Variants in ARHGEF26 observed in about 807,000 individuals in gnomAD.
ARHGEF26 encodes Rho guanine nucleotide exchange factor 26.
ARHGEF26 carries 59 observed loss-of-function variants against 89.4 expected under a neutral mutation model. That is an observed-to-expected ratio of 0.66 (90% CI 0.54 to 0.82). ARHGEF26 has a LOEUF of 0.82. Among genes scored for constraint, ARHGEF26 ranks in the 40% least tolerant of loss-of-function variants. ARHGEF26 has a pLI of 0.00. For synonymous variants in ARHGEF26, 500 were observed against 428.4 expected (o/e 1.17, Z -2.06); for missense variants, 1,234 against 1,085.6 (o/e 1.14, Z -1.92).
chr3:154,251,517 A>G (rs1477499836), intron 12 of ARHGEF26, among the ~76,000 whole-genome samples: 2 of 152,244 alleles, frequency 1.3e-5, no homozygotes, highest in Admixed American at 1.3e-4. Context: ...GAGATAATGC[A>G]GTGAACCAAA....
intron 9 of ARHGEF26, among the ~76,000 whole-genome samples, chr3:154,196,102 G>T (rs566255075): frequency 6.6e-6 from 1 of 151,954 alleles, no homozygotes; most frequent in South Asian, 2.1e-4. Context: ...TACTGGGGTT[G>T]GGGGGCGGGG....
chr3:154,215,190 C>T (rs1388557658), intron 9 of ARHGEF26, among the ~76,000 whole-genome samples: 1 of 152,148 alleles, frequency 6.6e-6, no homozygotes, highest in Non-Finnish European at 1.5e-5. Flanking sequence ...ATGCCAGGAT[C>T]TTCTTTGACT....
chr3:154,145,671 A>G (rs771932045), intron 4 of ARHGEF26, among the ~76,000 whole-genome samples: 2 of 152,200 alleles, frequency 1.3e-5, no homozygotes, highest in Non-Finnish European at 2.9e-5. Context: ...GGAGGGTCTG[A>G]GAACAAAGAG....
At chr3:154,212,136 C>G (rs569471838) in intron 9 of ARHGEF26, among the ~76,000 whole-genome samples, 1 of 151,980 alleles carries the variant, frequency 6.6e-6, no homozygotes. Flanking sequence ...CCCAGGAGTT[C>G]GAGACCAGCC....
intron 6 of ARHGEF26, among the ~76,000 whole-genome samples, chr3:154,167,191 C>T (rs1712096905): frequency 6.6e-6 from 1 of 152,174 alleles, no homozygotes. Flanking sequence ...AGCATTACAT[C>T]TGATTCCTTG....
At chr3:154,189,939 C>A (rs1350684722) in intron 7 of ARHGEF26, among the ~76,000 whole-genome samples, 1 of 151,616 alleles carries the variant, frequency 6.6e-6, no homozygotes, top group Admixed American at 6.6e-5. Context: ...TGTATAATTT[C>A]TTTTCATTTG....
At chr3:154,223,189 G>A (rs1022596238) in intron 10 of ARHGEF26, among the ~76,000 whole-genome samples, 1 of 152,128 alleles carries the variant, frequency 6.6e-6, no homozygotes, top group Non-Finnish European at 1.5e-5. Context: ...TGAGTGGAGT[G>A]GTGGTATGTT....
In ARHGEF26 at chr3:154,122,058, G is replaced by T. The variant is rs781724116; in HGVS notation, c.66G>T (p.Ser22=). The change falls in exon 2 of 15, where the codon TCG becomes TCT. Residue 22 remains serine, a synonymous_variant. Coordinates refer to ENST00000465093, the MANE Select transcript of ARHGEF26 (RefSeq NM_015595.4). ...TAACCCCTTTGTGGCGGAGGCGGTCGATTCCTCAGCCCCACCAGGTTCTGG... is the reference window on the plus strand; with the variant it reads ...TAACCCCTTTGTGGCGGAGGCGGTCTATTCCTCAGCCCCACCAGGTTCTGG... The part of the protein sequence containing the change: ...NSITPLWRRR[S]IPQPHQVLGR... The T allele has an allele frequency of 6.2e-7, 1 of 1,611,712 alleles. No homozygotes were observed. The highest frequency in any genetic ancestry group is 8.5e-7 in the Non-Finnish European group (1 of 1,178,468).
intron 9 of ARHGEF26, among the ~76,000 whole-genome samples, chr3:154,211,266 A>G (rs1715341892): frequency 6.6e-6 from 1 of 152,060 alleles, no homozygotes; most frequent in Admixed American, 6.6e-5. Flanking sequence ...TTTCAAGTTC[A>G]CTGAGAGTCA....
At chr3:154,165,751 C>T (rs917502681) in intron 6 of ARHGEF26, among the ~76,000 whole-genome samples, 7 of 152,150 alleles carry the variant, frequency 4.6e-5, no homozygotes, top group Admixed American at 2.6e-4. Context: ...TAATGTTTAT[C>T]GGAATAACTA....
In ARHGEF26 at chr3:154,234,934, T is replaced by C. The variant is rs974225536; in HGVS notation, c.2091-5436T>C. On this transcript the variant is annotated intron_variant, in intron 11 of 14. Coordinates refer to ENST00000465093, the MANE Select transcript of ARHGEF26 (RefSeq NM_015595.4). The stretch of plus-strand genomic sequence containing the variant: ...GCGCTCACCACCGCGCCCGGCTAAT[T>C]TTTTGTATTTTTAGAGACGGGGTTT... Among the ~76,000 whole-genome samples the C allele has an allele frequency of 2.0e-5, 3 of 152,174 alleles. No individual in the cohort carries two copies. In the South Asian group the frequency reaches 6.2e-4, roughly 32 times the overall value.
At chr3:154,189,675 C>G (rs1713829879) in intron 7 of ARHGEF26, among the ~76,000 whole-genome samples, 1 of 152,050 alleles carries the variant, frequency 6.6e-6, no homozygotes, top group African/African-American at 2.4e-5. Flanking sequence ...CAGTGGCTTT[C>G]AATTCTAGCT....
intron 9 of ARHGEF26, among the ~76,000 whole-genome samples, chr3:154,199,211 C>G (rs1352100566): frequency 1.3e-5 from 2 of 151,840 alleles, no homozygotes; most frequent in African/African-American, 2.4e-5. Flanking sequence ...CTCCCCAGCC[C>G]CCGACTACCC....
rs376638512 is a variant in ARHGEF26 at position 154,230,929 on chromosome 3, G to C, written c.2090+4919G>C. Among the ~76,000 whole-genome samples, 14 of 152,218 alleles carry C rather than the reference G, an allele frequency of 9.2e-5. No homozygotes were observed. The South Asian group carries it at 1.7e-3, about 18-fold the overall frequency. ...CACCCAGTGGCTCAAAGCTGTGCAG[G>C]CTCCCTTGAAAGGTTCATGGCCTGG... is the stretch of plus-strand genomic sequence containing the variant. On this transcript the variant is annotated intron_variant, in intron 11 of 14. Transcript: ENST00000465093.
intron 12 of ARHGEF26, among the ~76,000 whole-genome samples, chr3:154,250,962 T>A (rs993630338): frequency 6.7e-6 from 1 of 149,280 alleles, no homozygotes; most frequent in South Asian, 2.1e-4. Context: ...TGTCCTGTAT[T>A]AGAGAGAGAG....
chr3:154,178,307 TATAGTC>T lies in ARHGEF26; in HGVS notation c.1488-9373_1488-9368del, dbSNP rs376069948. 3.1e-4 allele frequency among the ~76,000 whole-genome samples: 47 copies of T among 152,308 alleles called. 1 individual carries two copies. The highest frequency in any genetic ancestry group is 9.9e-4 in the African/African-American group (41 of 41,560). ...AATTGTATAATTTAGTGATTTTTAG[TATAGTC>T]ATAGATTGTGCAACCATCACCAGAG... is the stretch of plus-strand genomic sequence containing the variant. On this transcript the variant is annotated intron_variant, in intron 6 of 14. Coordinates refer to ENST00000465093, the MANE Select transcript of ARHGEF26 (RefSeq NM_015595.4).
At chr3:154,141,750 G>A (rs149310623) in intron 4 of ARHGEF26, among the ~76,000 whole-genome samples, 147 of 152,222 alleles carry the variant, frequency 9.7e-4, no homozygotes, top group African/African-American at 3.3e-3. Context: ...TTACAAGGCA[G>A]GAGTTACTTT....
intron 13 of ARHGEF26, 98 bp downstream of exon 13, chr3:154,253,281 GC>G (rs1718277632): frequency 1.4e-6 from 2 of 1,390,140 alleles, no homozygotes; most frequent in Non-Finnish European, 2.0e-6. Flanking sequence ...CACAATACTT[GC>G]CTAAGTTTCC....
chr3:154,251,639 T>C (rs1718153370), intron 12 of ARHGEF26, among the ~76,000 whole-genome samples: 1 of 152,098 alleles, frequency 6.6e-6, no homozygotes, highest in African/African-American at 2.4e-5. Context: ...GATGGAAGGA[T>C]TGGTTTATGT....
Sources: allele counts gnomAD v4.1 joint callset (sites outside exome capture counted in the v4.1 genomes callset), GRCh38; gene constraint gnomAD v4.1.1; transcripts MANE v1.5; gene names NCBI Gene and HGNC (gene_info 2026-07-23, HGNC 2026-07-21).